FOCAD: variants seen among roughly 807,000 people sequenced by gnomAD.
FOCAD encodes KIAA1797.
Under a neutral mutation model 225.6 loss-of-function variants are expected in FOCAD, and 198 were observed. That is an observed-to-expected ratio of 0.88 (90% CI 0.78 to 0.99). FOCAD has a LOEUF of 0.99. Among genes scored for constraint, FOCAD ranks in the 50% least tolerant of loss-of-function variants. The probability of loss-of-function intolerance (pLI) is 0.00; values close to 1 mark genes in which losing one functional copy is unlikely to be tolerated. For missense variants in FOCAD, 2,713 were observed against 2,123.6 expected, an observed-to-expected ratio of 1.28 and a Z score of -5.46; for synonymous variants, 897 against 755.0, an observed-to-expected ratio of 1.19 and a Z score of -3.08.
chr9:20,794,631 C>A (rs1820868296), intron 11 of FOCAD, among the ~76,000 whole-genome samples: 1 of 152,072 alleles, frequency 6.6e-6, no homozygotes, highest in African/African-American at 2.4e-5. Context: ...TTTATCAATA[C>A]CATAATATGT....
intron 43 of FOCAD, among the ~76,000 whole-genome samples, chr9:20,993,719 T>G (rs1174295954): frequency 6.6e-6 from 1 of 152,180 alleles, no homozygotes; most frequent in Non-Finnish European, 1.5e-5. Flanking sequence ...GGATTTTGGA[T>G]TTTTAGATTA....
At chr9:20,949,040 T>A in intron 32 of FOCAD, 112 bp downstream of exon 32, 2 of 948,416 alleles carry the variant, frequency 2.1e-6, no homozygotes, top group East Asian at 5.0e-5. Flanking sequence ...ATGCTCATGG[T>A]AATAGTTACA....
intron 11 of FOCAD, among the ~76,000 whole-genome samples, chr9:20,810,306 G>C (rs563441401): frequency 1.3e-5 from 2 of 152,170 alleles, no homozygotes; most frequent in South Asian, 4.1e-4. Flanking sequence ...ACCTAGATGA[G>C]CTATATTTAA....
intron 24 of FOCAD, among the ~76,000 whole-genome samples, chr9:20,922,776 G>A (rs913152962): frequency 6.6e-6 from 1 of 152,190 alleles, no homozygotes; most frequent in African/African-American, 2.4e-5. Context: ...ACGATCTGAT[G>A]GTATGGGTGC....
intron 15 of FOCAD, among the ~76,000 whole-genome samples, chr9:20,849,687 A>T (rs1287510037): frequency 1.3e-5 from 2 of 151,946 alleles, no homozygotes; most frequent in Non-Finnish European, 2.9e-5. Context: ...GTATTTGAAG[A>T]CTTTCTAAGG....
intron 5 of FOCAD, 150 bp downstream of exon 5, chr9:20,740,490 GT>G (rs1563932104): frequency 2.0e-6 from 1 of 498,378 alleles, no homozygotes; most frequent in Non-Finnish European, 3.6e-6. Flanking sequence ...GGAAGTTAGC[GT>G]TTCAAAGACT....
chr9:20,758,061 G>A lies in FOCAD; in HGVS notation c.393-29G>A, dbSNP rs374648014. On this transcript the variant is annotated intron_variant, in intron 5 of 43. Coordinates refer to ENST00000338382, the MANE Select transcript of FOCAD (RefSeq NM_001375567.1). ...GAAAATGTGTAGTCCTGAATAACAGGTTCCCATGTGACTTTCTGTGTCTTT... is the reference window on the plus strand; with the variant it reads ...GAAAATGTGTAGTCCTGAATAACAGATTCCCATGTGACTTTCTGTGTCTTT... 2.0e-5 allele frequency: 30 copies of A among 1,499,132 alleles called. 1 individual carries two copies. Among genetic ancestry groups the A allele is most frequent in the Non-Finnish European group, 2.7e-5 (29 of 1,087,664 alleles). The allele number at this position is 1,499,132 out of a possible 1,614,324, so 92.9% of individuals were successfully genotyped here. A position where few individuals can be genotyped will look rare whatever the true frequency, so the allele number is the denominator to read the frequency against.
At chr9:20,810,536 C>A (rs1822945946) in intron 11 of FOCAD, among the ~76,000 whole-genome samples, 2 of 152,090 alleles carry the variant, frequency 1.3e-5, no homozygotes, top group Admixed American at 1.3e-4. Context: ...GAAGGAAATT[C>A]TATGGATACA....
At chr9:20,962,409 T>TAC (rs993569522) in intron 35 of FOCAD, among the ~76,000 whole-genome samples, 47 of 129,942 alleles carry the variant, frequency 3.6e-4, no homozygotes, top group African/African-American at 1.3e-3. Flanking sequence ...AATATATATA[T>TAC]ACACACACAC....
intron 35 of FOCAD, among the ~76,000 whole-genome samples, chr9:20,963,331 A>T (rs973177792): frequency 6.6e-6 from 1 of 152,168 alleles, no homozygotes; most frequent in Non-Finnish European, 1.5e-5. Flanking sequence ...GTACTGGTGA[A>T]AGTTGTCCTG....
intron 23 of FOCAD, among the ~76,000 whole-genome samples, chr9:20,914,101 CAA>C (rs35856539): frequency 7.0e-5 from 9 of 128,126 alleles, no homozygotes; most frequent in Non-Finnish European, 5.0e-5. Context: ...TCTGTCTTTC[CAA>C]AAAAAAAAAA....
rs200537271 is a variant in FOCAD at position 20,795,819 on chromosome 9, TTTTATTTA to T, written c.1455+6227_1455+6234del. On this transcript the variant is annotated intron_variant, in intron 11 of 43. Transcript: ENST00000338382. Reference sequence around the variant, plus strand: ...AAAAAAAAAAAAAAGACACAGCATGTTTTATTTATTTATTTATTTATTTTTTGTTATAC... The same window carrying T: ...AAAAAAAAAAAAAAGACACAGCATGTTTTATTTATTTATTTTTTGTTATAC... 2.0e-5 allele frequency among the ~76,000 whole-genome samples: 3 copies of T among 148,628 alleles called. No individual in the cohort carries two copies. In the South Asian group the frequency reaches 6.4e-4, roughly 31 times the overall value.
At chr9:20,683,776 A>C (rs946082493), upstream of FOCAD, 1 of 152,244 alleles carries the variant, frequency 6.6e-6, no homozygotes, top group African/African-American at 2.4e-5. Flanking sequence ...CGAAGAACGA[A>C]GCGTCTTCGC....
intron 2 of FOCAD, among the ~76,000 whole-genome samples, chr9:20,663,549 C>T (rs1465799101): frequency 6.6e-6 from 1 of 151,886 alleles, no homozygotes; most frequent in Non-Finnish European, 1.5e-5. Context: ...TCCAATCTAT[C>T]ATCTATCCTT....
chr9:20,905,148 T>A (rs1016912127), intron 21 of FOCAD, among the ~76,000 whole-genome samples: 3 of 151,936 alleles, frequency 2.0e-5, no homozygotes, highest in African/African-American at 7.2e-5. Flanking sequence ...AAGTCTAGGG[T>A]ATAATCCCAT....
At chr9:20,946,107 TC>T in intron 29 of FOCAD, among the ~76,000 whole-genome samples, 1 of 152,134 alleles carries the variant, frequency 6.6e-6, no homozygotes. Context: ...ATTCATTCAT[TC>T]ATTCATTCAT....
intron 23 of FOCAD, among the ~76,000 whole-genome samples, chr9:20,913,533 C>T (rs1219178303): frequency 6.6e-6 from 1 of 152,112 alleles, no homozygotes; most frequent in African/African-American, 2.4e-5. Flanking sequence ...TTTCACCAGC[C>T]TAAATGTAAG....
At chr9:20,869,753 A>G (rs1378795642) in intron 18 of FOCAD, among the ~76,000 whole-genome samples, 1 of 152,158 alleles carries the variant, frequency 6.6e-6, no homozygotes, top group African/African-American at 2.4e-5. Context: ...TATTTGGTAT[A>G]TACTAAGTGC....
chr9:20,705,519 G>C (rs1824309126), intron 1 of FOCAD, among the ~76,000 whole-genome samples: 1 of 152,120 alleles, frequency 6.6e-6, no homozygotes, highest in Non-Finnish European at 1.5e-5. Flanking sequence ...TAACTGAATG[G>C]TATTTGAAGT....
Sources: gnomAD v4.1 joint callset for allele counts (sites outside exome capture counted in the v4.1 genomes callset) on GRCh38, gnomAD v4.1.1 for gene constraint, MANE v1.5 for transcripts, NCBI Gene and HGNC (gene_info 2026-07-23, HGNC 2026-07-21) for gene names.